Variants in SLC35D2 observed in about 807,000 individuals in gnomAD.
The protein encoded by SLC35D2 is nucleotide sugar transporter SLC35D2.
In SLC35D2, 43 loss-of-function variants were observed where a neutral mutation model predicts 41.8. The ratio of observed to expected loss-of-function variants is 1.03; its 90% CI spans 0.81 to 1.33. SLC35D2 has a LOEUF of 1.33. Among genes scored for constraint, SLC35D2 ranks in the 40% most tolerant of loss-of-function variants. The pLI is 0.00. For missense variants in SLC35D2, 380 were observed against 408.4 expected, an observed-to-expected ratio of 0.93 and a Z score of 0.60; for synonymous variants, 150 against 163.9, an observed-to-expected ratio of 0.92 and a Z score of 0.65.
At chr9:96,332,753 T>C (rs1036494326) in intron 9 of SLC35D2, among the ~76,000 whole-genome samples, 6 of 151,266 alleles carry the variant, frequency 4.0e-5, no homozygotes, top group African/African-American at 1.5e-4. Flanking sequence ...CACTCCAGAC[T>C]GGGTGACACA....
intron 7 of SLC35D2, among the ~76,000 whole-genome samples, chr9:96,344,339 G>A (rs879708374): frequency 6.6e-6 from 1 of 151,778 alleles, no homozygotes; most frequent in Non-Finnish European, 1.5e-5. Flanking sequence ...CATTAAAAAT[G>A]TTAATATAAA....
At position 96,321,226 on chromosome 9, in the gene SLC35D2, T is replaced by C. The variant is rs1428794684; in HGVS notation, c.*16A>G. On this transcript the variant is annotated 3_prime_UTR_variant, in exon 12 of 12. Transcript: ENST00000253270. Reference sequence around the variant, plus strand: ...CCCGCAGTCACAAGTCAGTCTCCAATCCTGCTGCAGACTCTTTAGCTCTTC... The same window carrying C: ...CCCGCAGTCACAAGTCAGTCTCCAACCCTGCTGCAGACTCTTTAGCTCTTC... 1.3e-6 allele frequency: 2 copies of C among 1,586,046 alleles called. No homozygotes were observed. Among genetic ancestry groups the C allele is most frequent in the African/African-American group, 1.3e-5 (1 of 74,350 alleles).
At chr9:96,361,217 A>G (rs1209200519) in intron 3 of SLC35D2, among the ~76,000 whole-genome samples, 2 of 152,220 alleles carry the variant, frequency 1.3e-5, no homozygotes, top group Non-Finnish European at 2.9e-5. Context: ...TCTGATAGAT[A>G]CATTCCTCAC....
At chr9:96,382,146 C>T (rs532773590) in intron 1 of SLC35D2, among the ~76,000 whole-genome samples, 2 of 151,932 alleles carry the variant, frequency 1.3e-5, no homozygotes, top group African/African-American at 4.8e-5. Flanking sequence ...TACAACCAAT[C>T]GAGCTTATGT....
At chr9:96,353,651 T>C (rs1432761090) in intron 4 of SLC35D2, among the ~76,000 whole-genome samples, 1 of 152,054 alleles carries the variant, frequency 6.6e-6, no homozygotes, top group Non-Finnish European at 1.5e-5. Context: ...GGGCTGAAAA[T>C]GAGTATTTAA....
chr9:96,380,543 T>G (rs773364429), intron 1 of SLC35D2, among the ~76,000 whole-genome samples: 1 of 151,686 alleles, frequency 6.6e-6, no homozygotes, highest in Non-Finnish European at 1.5e-5. Context: ...CTGCAACCAC[T>G]GCCTCCTGAG....
intron 10 of SLC35D2, among the ~76,000 whole-genome samples, chr9:96,322,618 G>C (rs1828292545): frequency 6.6e-6 from 1 of 151,854 alleles, no homozygotes; most frequent in African/African-American, 2.4e-5. Context: ...TCTCTCTCTT[G>C]ATCCAGTTGG....
Position 96,321,153 on chromosome 9 carries a change from G to T in SLC35D2, c.*89C>A. 1 of 979,588 alleles carries T rather than the reference G, an allele frequency of 1.0e-6. No individual in the cohort carries two copies. Among genetic ancestry groups the T allele is most frequent in the Non-Finnish European group, 1.6e-6 (1 of 628,910 alleles). 60.7% of individuals were successfully genotyped at this position (979,588 alleles called of 1,614,324 possible). A position where few individuals can be genotyped will look rare whatever the true frequency, so the allele number is the denominator to read the frequency against. On this transcript the variant is annotated 3_prime_UTR_variant, in exon 12 of 12. Transcript: ENST00000253270. ...CACTTGCCCAGGGGGTGGATGTCAC[G>T]AATCCGAAACCTCTGGCTTCACATT...
At chr9:96,321,411 C>A (rs1192638636) in intron 11 of SLC35D2, 70 bp from the exon 12 acceptor site, 3 of 1,061,326 alleles carry the variant, frequency 2.8e-6, no homozygotes, top group African/African-American at 1.6e-5. Context: ...CAGTTGCTGG[C>A]GTTTTTATCA....
At chr9:96,373,093 T>G (rs904184288) in intron 1 of SLC35D2, among the ~76,000 whole-genome samples, 2 of 151,702 alleles carry the variant, frequency 1.3e-5, no homozygotes, top group African/African-American at 4.8e-5. Context: ...AGAGATTGGG[T>G]TTCACCATGT....
intron 7 of SLC35D2, 111 bp downstream of exon 7, chr9:96,345,188 T>A: frequency 5.0e-6 from 3 of 601,658 alleles, no homozygotes; most frequent in Non-Finnish European, 5.8e-6. Flanking sequence ...AATTTACAGG[T>A]CATATTATAT....
intron 1 of SLC35D2, among the ~76,000 whole-genome samples, chr9:96,377,369 G>C (rs1473488751): frequency 1.3e-5 from 2 of 152,108 alleles, no homozygotes; most frequent in Non-Finnish European, 2.9e-5. Flanking sequence ...TAGCTTCTGA[G>C]ACCACTTGCT....
chr9:96,356,382 C>CTTTTTTT (rs199569097), intron 4 of SLC35D2, among the ~76,000 whole-genome samples: 3 of 101,430 alleles, frequency 3.0e-5, no homozygotes, highest in East Asian at 3.0e-4. Context: ...TTTATTTATT[C>CTTTTTTT]TTTTTTTTTT....
intron 4 of SLC35D2, among the ~76,000 whole-genome samples, chr9:96,355,936 A>G (rs1293633912): frequency 1.3e-5 from 2 of 152,250 alleles, no homozygotes. Context: ...AGATACACAG[A>G]TTGCTACAGT....
At chr9:96,341,522 A>G (rs1314976412) in intron 8 of SLC35D2, among the ~76,000 whole-genome samples, 1 of 152,210 alleles carries the variant, frequency 6.6e-6, no homozygotes, top group Non-Finnish European at 1.5e-5. Context: ...TGCCTATACG[A>G]TAGAAATAGT....
chr9:96,353,174 C>T (rs930209584), intron 4 of SLC35D2, among the ~76,000 whole-genome samples: 1 of 151,906 alleles, frequency 6.6e-6, no homozygotes, highest in African/African-American at 2.4e-5. Context: ...TCAGACATCA[C>T]AATAGTTAAA....
At chr9:96,323,995 C>T in intron 10 of SLC35D2, 96 bp downstream of exon 10, 1 of 1,048,724 alleles carries the variant, frequency 9.5e-7, no homozygotes, top group Admixed American at 1.8e-5. Flanking sequence ...GTTCTTACAC[C>T]ACCACCAACA....
intron 9 of SLC35D2, 47 bp from the exon 10 acceptor site, chr9:96,324,216 G>A (rs1451140702): frequency 2.0e-6 from 3 of 1,527,922 alleles, no homozygotes; most frequent in African/African-American, 1.4e-5. Context: ...ACTACGCTGG[G>A]TAATGACAAA....
chr9:96,347,571 G>A (rs1383054597), intron 6 of SLC35D2, among the ~76,000 whole-genome samples: 1 of 152,082 alleles, frequency 6.6e-6, no homozygotes, highest in East Asian at 1.9e-4. Context: ...TAGAGACAGG[G>A]TTTCATTATG....
Sources: allele counts gnomAD v4.1 joint callset (sites outside exome capture counted in the v4.1 genomes callset), GRCh38; gene constraint gnomAD v4.1.1; transcripts MANE v1.5; gene names NCBI Gene and HGNC (gene_info 2026-07-23, HGNC 2026-07-21).